The following KCND2 variants were observed in gnomAD, a reference collection of about 807,000 sequenced individuals.
KCND2 encodes the protein potassium voltage-gated channel subfamily D member 2.
A neutral mutation model predicts 54.4 loss-of-function variants in KCND2; 16 were observed. The observed-to-expected ratio is 0.29, with a 90% CI of 0.20 to 0.45. KCND2 has a LOEUF of 0.45. Ranked by LOEUF, KCND2 falls within the 20% of genes least tolerant of loss-of-function variation. KCND2 has a pLI of 1.00. For synonymous variants in KCND2, 317 were observed against 310.7 expected (o/e 1.02, Z -0.21); for missense variants, 486 against 824.2 (o/e 0.59, Z 5.02).
intron 1 of KCND2, among the ~76,000 whole-genome samples, chr7:120,589,027 C>A (rs562475206): frequency 2.0e-5 from 3 of 152,100 alleles, no homozygotes; most frequent in African/African-American, 7.2e-5. Flanking sequence ...AAAAGCCAGA[C>A]CGGAAAGATT....
chr7:120,400,239 T>G (rs1013766061), intron 1 of KCND2, among the ~76,000 whole-genome samples: 6 of 152,188 alleles, frequency 3.9e-5, no homozygotes, highest in Admixed American at 3.3e-4. Context: ...ATGCCATATT[T>G]AAATATCTGA....
chr7:120,476,513 C>T (rs1475095981), intron 1 of KCND2, among the ~76,000 whole-genome samples: 1 of 152,182 alleles, frequency 6.6e-6, no homozygotes, highest in Non-Finnish European at 1.5e-5. Flanking sequence ...CATTGTGGCG[C>T]TAACTAGCCA....
At chr7:120,549,953 A>G (rs1792086133) in intron 1 of KCND2, among the ~76,000 whole-genome samples, 1 of 152,164 alleles carries the variant, frequency 6.6e-6, no homozygotes, top group Non-Finnish European at 1.5e-5. Flanking sequence ...AAATAGAAAT[A>G]GTCATAAGAG....
At chr7:120,476,234 C>A (rs1259292039) in intron 1 of KCND2, among the ~76,000 whole-genome samples, 3 of 152,174 alleles carry the variant, frequency 2.0e-5, no homozygotes, top group African/African-American at 7.2e-5. Flanking sequence ...CCTTTCAATA[C>A]CTTTTCTCTT....
At chr7:120,537,504 A>T (rs1227947545) in intron 1 of KCND2, among the ~76,000 whole-genome samples, 2 of 152,214 alleles carry the variant, frequency 1.3e-5, no homozygotes, top group Non-Finnish European at 2.9e-5. Flanking sequence ...TCCTTTGAAG[A>T]CTTGCTGCTA....
intron 1 of KCND2, among the ~76,000 whole-genome samples, chr7:120,422,199 G>A (rs1189722019): frequency 6.6e-6 from 1 of 152,148 alleles, no homozygotes; most frequent in African/African-American, 2.4e-5. Context: ...ATCCTCATGA[G>A]TCTTACCATT....
chr7:120,722,686 A>G (rs982997333), intron 1 of KCND2, among the ~76,000 whole-genome samples: 1 of 152,234 alleles, frequency 6.6e-6, no homozygotes, highest in African/African-American at 2.4e-5. Context: ...TAAAAATGCC[A>G]TGAGACCTCT....
intron 1 of KCND2, among the ~76,000 whole-genome samples, chr7:120,456,675 G>C (rs1023715921): frequency 6.6e-6 from 1 of 152,130 alleles, no homozygotes; most frequent in African/African-American, 2.4e-5. Context: ...TCACCTTTTA[G>C]ACTGTGTTGC....
chr7:120,348,384 A>G (rs1024728270), intron 1 of KCND2, among the ~76,000 whole-genome samples: 1 of 152,154 alleles, frequency 6.6e-6, no homozygotes, highest in African/African-American at 2.4e-5. Context: ...GTTTTTATGA[A>G]AGCCTATCAT....
intron 1 of KCND2, among the ~76,000 whole-genome samples, chr7:120,539,827 A>T (rs1791958214): frequency 6.6e-6 from 1 of 152,032 alleles, no homozygotes; most frequent in South Asian, 2.1e-4. Context: ...TTCTCATGTG[A>T]TTCATTAGTT....
intron 1 of KCND2, among the ~76,000 whole-genome samples, chr7:120,595,557 A>G (rs1010977921): frequency 3.0e-5 from 4 of 134,196 alleles, no homozygotes; most frequent in Non-Finnish European, 4.7e-5. Context: ...GTGTGTGTGT[A>G]TATATATGTG....
chr7:120,382,456 C>T (rs528267486), intron 1 of KCND2, among the ~76,000 whole-genome samples: 285 of 151,902 alleles, frequency 1.9e-3, no homozygotes, highest in Admixed American at 3.5e-3. Flanking sequence ...TAGTTTCTGT[C>T]ATTATTAGAA....
intron 1 of KCND2, among the ~76,000 whole-genome samples, chr7:120,468,810 G>A (rs1802414845): frequency 6.6e-6 from 1 of 152,108 alleles, no homozygotes; most frequent in Non-Finnish European, 1.5e-5. Context: ...CAGACAGATT[G>A]ATTTCCTGGA....
At chr7:120,386,739 A>G (rs898998262) in intron 1 of KCND2, among the ~76,000 whole-genome samples, 1 of 152,124 alleles carries the variant, frequency 6.6e-6, no homozygotes, top group African/African-American at 2.4e-5. Flanking sequence ...GAAACATTTC[A>G]TCACTCTTAG....
At chr7:120,596,547 A>G (rs763950656) in intron 1 of KCND2, among the ~76,000 whole-genome samples, 3 of 152,210 alleles carry the variant, frequency 2.0e-5, no homozygotes, top group Middle Eastern at 3.2e-3. Flanking sequence ...AGTTGTACCA[A>G]TTGTATATGC....
At chr7:120,583,785 G>GGGGT (rs905723398) in intron 1 of KCND2, among the ~76,000 whole-genome samples, 2 of 9,362 alleles carry the variant, frequency 2.1e-4, no homozygotes, top group Admixed American at 9.8e-4. Context: ...TAGGAATTGT[G>GGGGT]GGGGGGGGGA....
At chr7:120,505,001 G>A (rs1355760339) in intron 1 of KCND2, among the ~76,000 whole-genome samples, 2 of 151,458 alleles carry the variant, frequency 1.3e-5, no homozygotes, top group South Asian at 2.1e-4. Context: ...AAAATAAAGG[G>A]CCCAAACTCT....
intron 1 of KCND2, among the ~76,000 whole-genome samples, chr7:120,590,922 A>G (rs1562881639): frequency 2.6e-5 from 4 of 152,198 alleles, no homozygotes; most frequent in Admixed American, 6.5e-5. Context: ...GAAAGTTATG[A>G]AAAACTGTCT....
chr7:120,398,518 A>G (rs1234956298), intron 1 of KCND2, among the ~76,000 whole-genome samples: 1 of 152,064 alleles, frequency 6.6e-6, no homozygotes, highest in African/African-American at 2.4e-5. Context: ...AAGTGTCTCT[A>G]GAGGGAGTGA....
Sources: allele counts gnomAD v4.1 joint callset (sites outside exome capture counted in the v4.1 genomes callset), GRCh38; gene constraint gnomAD v4.1.1; transcripts MANE v1.5; gene names NCBI Gene and HGNC (gene_info 2026-07-23, HGNC 2026-07-21).